The following PIGB variants were observed in gnomAD, a reference collection of about 807,000 sequenced individuals.
PIGB encodes the protein phosphatidylinositol glycan anchor biosynthesis class B.
PIGB carries 58 observed loss-of-function variants against 68.4 expected under a neutral mutation model. The ratio of observed to expected loss-of-function variants is 0.85; its 90% CI spans 0.69 to 1.06. The LOEUF (loss-of-function observed/expected upper bound fraction) is 1.06. PIGB is among the 50% of genes least tolerant of loss of function. The pLI, the probability that PIGB is intolerant of heterozygous loss-of-function variation, is 0.00. For synonymous variants in PIGB, 219 were observed against 220.5 expected, an observed-to-expected ratio of 0.99 and a Z score of 0.06; for missense variants, 634 against 655.8, an observed-to-expected ratio of 0.97 and a Z score of 0.36.
intron 3 of PIGB, among the ~76,000 whole-genome samples, chr15:55,324,551 T>C (rs988713953): frequency 1.2e-4 from 19 of 152,236 alleles, no homozygotes; most frequent in Non-Finnish European, 2.2e-4. Context: ...CTCATAATCA[T>C]AGATAGTATC....
chr15:55,338,455 G>GC (rs2055587673), intron 6 of PIGB, among the ~76,000 whole-genome samples: 1 of 151,962 alleles, frequency 6.6e-6, no homozygotes, highest in African/African-American at 2.4e-5. Flanking sequence ...AGACCAGTTG[G>GC]GTAATATAGT....
intron 8 of PIGB, 144 bp downstream of exon 8, chr15:55,340,967 A>G (rs1370185985): frequency 8.6e-6 from 5 of 584,128 alleles, no homozygotes; most frequent in Non-Finnish European, 1.2e-5. Flanking sequence ...AAGTAGTAGT[A>G]ATTATGGAGG....
chr15:55,329,281 C>A (rs889084177), intron 4 of PIGB, among the ~76,000 whole-genome samples: 2 of 150,902 alleles, frequency 1.3e-5, no homozygotes, highest in South Asian at 4.2e-4. Flanking sequence ...GGGAGACATT[C>A]CAAACAAGTG....
At position 55,327,422 on chromosome 15, in the gene PIGB, TAAG is replaced by T; in HGVS notation, c.418-106_418-104del. ...AAAAATATATTGCCTATTTTTGTAC[TAAG>T]AATGGCTTCCCATAGATAGTTGGAT... is the stretch of plus-strand genomic sequence containing the variant. On this transcript the variant is annotated intron_variant, in intron 3 of 11. Coordinates refer to ENST00000164305, the MANE Select transcript of PIGB (RefSeq NM_004855.5). The T allele has an allele frequency of 7.5e-6, 5 of 669,872 alleles. No homozygotes were observed. The South Asian group carries it at 9.6e-5, about 13-fold the overall frequency. The allele number at this position is 669,872 out of a possible 1,614,324, so 41.5% of individuals were successfully genotyped here. A position where few individuals can be genotyped will look rare whatever the true frequency, so the allele number is the denominator to read the frequency against.
At chr15:55,333,719 G>A (rs2055472834) in intron 5 of PIGB, 148 bp from the exon 6 acceptor site, 3 of 536,090 alleles carry the variant, frequency 5.6e-6, no homozygotes, top group Admixed American at 4.0e-5. Context: ...GTGACAGAGT[G>A]AGACTCTGTC....
In PIGB at chr15:55,350,695, A is replaced by G. The variant is rs1386519602; in HGVS notation, c.1124-4A>G. The G allele has an allele frequency of 3.1e-6, 5 of 1,588,764 alleles. No individual in the cohort carries two copies. The highest frequency in any genetic ancestry group is 4.3e-6 in the Non-Finnish European group (5 of 1,158,086). On this transcript the variant is annotated splice_polypyrimidine_tract_variant and splice_region_variant and intron_variant, in intron 9 of 11. Coordinates refer to ENST00000164305, the MANE Select transcript of PIGB (RefSeq NM_004855.5). Reference sequence around the variant, plus strand: ...TAAGGTTCAATATGTCTATCTTCATATAGGATACTCATTAACCCACCTGAA... The same window carrying G: ...TAAGGTTCAATATGTCTATCTTCATGTAGGATACTCATTAACCCACCTGAA...
chr15:55,327,923 C>A (rs2055329914), intron 4 of PIGB, among the ~76,000 whole-genome samples: 1 of 152,202 alleles, frequency 6.6e-6, no homozygotes, highest in Non-Finnish European at 1.5e-5. Flanking sequence ...GTCCTTGCCT[C>A]TCTTTCCATA....
chr15:55,338,970 A>C (rs1010533230), intron 6 of PIGB, among the ~76,000 whole-genome samples: 1 of 152,224 alleles, frequency 6.6e-6, no homozygotes, highest in Non-Finnish European at 1.5e-5. Flanking sequence ...GGAACTATGA[A>C]ATGGTAAATA....
intron 6 of PIGB, 82 bp downstream of exon 6, chr15:55,334,089 AATT>A: frequency 3.0e-6 from 3 of 994,016 alleles, no homozygotes; most frequent in Non-Finnish European, 4.2e-6. Flanking sequence ...TCTTTCAGTT[AATT>A]ATTTTATCTT....
intron 5 of PIGB, among the ~76,000 whole-genome samples, chr15:55,333,238 T>C (rs1057504655): frequency 2.6e-5 from 4 of 152,182 alleles, no homozygotes; most frequent in Non-Finnish European, 4.4e-5. Context: ...GCTTTAGATA[T>C]TACCTTTTTT....
intron 9 of PIGB, among the ~76,000 whole-genome samples, chr15:55,347,845 C>T (rs1187287946): frequency 1.3e-5 from 2 of 152,160 alleles, no homozygotes; most frequent in Non-Finnish European, 2.9e-5. Context: ...TCTGTCTCAC[C>T]AGTACTGAAG....
rs1393660806 is a variant in PIGB, at chr15:55,327,647, A to T, written c.522+12A>T. On this transcript the variant is annotated intron_variant, in intron 4 of 11. Transcript: ENST00000164305. ...TGGCAAGATGGGTGGTAAGTCCTAA[A>T]TACTTTAGAAGCTGTATGCCAGTTA... 6.7e-7 allele frequency: 1 copy of T among 1,483,178 alleles called. No individual in the cohort carries two copies. 91.9% of individuals were successfully genotyped at this position (1,483,178 alleles called of 1,614,324 possible).
chr15:55,332,794 T>C (rs1488386953), intron 5 of PIGB, among the ~76,000 whole-genome samples: 1 of 152,230 alleles, frequency 6.6e-6, no homozygotes, highest in Non-Finnish European at 1.5e-5. Flanking sequence ...AATAATATAC[T>C]ATCCATAGTC....
At chr15:55,334,369 T>C (rs887932555) in intron 6 of PIGB, among the ~76,000 whole-genome samples, 6 of 152,222 alleles carry the variant, frequency 3.9e-5, no homozygotes, top group Admixed American at 3.9e-4. Flanking sequence ...TACTTCAGTC[T>C]AGGCAATATA....
rs146629846 is a variant in PIGB at position 55,348,081 on chromosome 15, C to T, written c.1124-2618C>T. Among the ~76,000 whole-genome samples the T allele has an allele frequency of 3.6e-4, 55 of 150,766 alleles. No homozygotes were observed. In the South Asian group the frequency reaches 6.5e-3, roughly 18 times the overall value. On this transcript the variant is annotated intron_variant, in intron 9 of 11. Coordinates refer to ENST00000164305, the MANE Select transcript of PIGB (RefSeq NM_004855.5). ...TCAGCTCACTGCAACCTATGCCTGC[C>T]GGGTTCAAGTGATTCTCCTGCCTCA...
At position 55,329,821 on chromosome 15, in the gene PIGB, A is replaced by G. The variant is rs1381478885; in HGVS notation, c.620A>G (p.Tyr207Cys). ...GTTCTCACTATAATTGCTCTTTTCT[A>G]CTATCCTTTGGAAGGTTCAAAGTCT... ...ETVLTIIALFYYPLEGSKSMN... is the reference protein window; with the variant it reads ...ETVLTIIALFCYPLEGSKSMN... Residue 207 changes from tyrosine (Y) to cysteine (C), a missense_variant, in exon 5 of 12, where the codon TAC becomes TGC. Coordinates refer to ENST00000164305, the MANE Select transcript of PIGB (RefSeq NM_004855.5). 5 of 1,601,056 alleles carry G rather than the reference A, an allele frequency of 3.1e-6. No homozygotes were observed. Among genetic ancestry groups the G allele is most frequent in the African/African-American group, 2.7e-5 (2 of 74,620 alleles).
At chr15:55,352,367 T>C (rs2055944635) in intron 10 of PIGB, among the ~76,000 whole-genome samples, 1 of 152,232 alleles carries the variant, frequency 6.6e-6, no homozygotes, top group Admixed American at 6.5e-5. Flanking sequence ...ATACTAAAAT[T>C]GCCTCAACTA....
chr15:55,341,139 T>C (rs567712195), intron 8 of PIGB, among the ~76,000 whole-genome samples: 6 of 151,242 alleles, frequency 4.0e-5, no homozygotes, highest in African/African-American at 1.5e-4. Flanking sequence ...GGTGGGAGGA[T>C]TGCTTGAAGC....
chr15:55,329,623 C>T (rs970879331), intron 4 of PIGB, 101 bp from the exon 5 acceptor site: 12 of 965,406 alleles, frequency 1.2e-5, no homozygotes, highest in Middle Eastern at 2.4e-4. Flanking sequence ...CTTTTGATGT[C>T]CTTTTCACAA....
Sources: gnomAD v4.1 joint callset for allele counts (sites outside exome capture counted in the v4.1 genomes callset) on GRCh38, gnomAD v4.1.1 for gene constraint, MANE v1.5 for transcripts, NCBI Gene and HGNC (gene_info 2026-07-23, HGNC 2026-07-21) for gene names.